The following TAFA5 variants were observed in gnomAD, a reference collection of about 807,000 sequenced individuals.
TAFA5 encodes TAFA chemokine like family member 5.
Under a neutral mutation model 15.3 loss-of-function variants are expected in TAFA5, and 6 were observed. That is an observed-to-expected ratio of 0.39 (90% confidence interval 0.21 to 0.77). The LOEUF is 0.77. TAFA5 is among the 30% of genes least tolerant of loss of function. The probability of loss-of-function intolerance (pLI) is 0.41; values close to 1 mark genes in which losing one functional copy is unlikely to be tolerated. For synonymous variants in TAFA5, 103 were observed against 80.7 expected (o/e 1.28, Z -1.48); for missense variants, 161 against 193.1 (o/e 0.83, Z 0.98).
intron 2 of TAFA5, among the ~76,000 whole-genome samples, chr22:48,698,126 G>A (rs931028582): frequency 2.7e-5 from 4 of 150,106 alleles, no homozygotes; most frequent in African/African-American, 9.8e-5. Flanking sequence ...GATAGCGATG[G>A]TGGTGGTTAT....
chr22:48,530,233 G>C lies in TAFA5; in HGVS notation c.112+40529G>C, dbSNP rs1921926860. 6.6e-6 allele frequency among the ~76,000 whole-genome samples: 1 copy of C among 152,114 alleles called. No homozygotes were observed. The highest frequency in any genetic ancestry group is 1.5e-5 in the Non-Finnish European group (1 of 68,014). On this transcript the variant is annotated intron_variant, in intron 1 of 3. Transcript: ENST00000402357. The surrounding 1 kb of genome is among the most constrained non-coding windows in gnomAD (Gnocchi z 6.0). ...GAGAACTTGAGTGTAAGTCTCCTCT[G>C]CTCCCCTCCTGTGACATCCGAGCAT...
chr22:48,659,970 A>T (rs945309082), intron 2 of TAFA5, among the ~76,000 whole-genome samples: 4 of 152,156 alleles, frequency 2.6e-5, no homozygotes, highest in African/African-American at 9.7e-5. Context: ...TGTGACTTGG[A>T]GGGGGGTGAG....
chr22:48,542,390 G>GGT (rs1278256204), intron 1 of TAFA5, among the ~76,000 whole-genome samples: 2 of 130,818 alleles, frequency 1.5e-5, no homozygotes, highest in African/African-American at 5.9e-5. Flanking sequence ...GTGTGTGTGT[G>GGT]GTGTGTGTGT....
intron 2 of TAFA5, among the ~76,000 whole-genome samples, chr22:48,673,540 C>T (rs892062461): frequency 9.2e-5 from 14 of 152,308 alleles, no homozygotes; most frequent in Admixed American, 3.3e-4. Context: ...AGGAAGAGGC[C>T]GGCCTTCTTC....
chr22:48,627,256 C>G (rs1926055150), intron 1 of TAFA5, among the ~76,000 whole-genome samples: 1 of 152,230 alleles, frequency 6.6e-6, no homozygotes, highest in South Asian at 2.1e-4. Flanking sequence ...TGGCTCCTCC[C>G]AAGACAGGAA....
intron 1 of TAFA5, among the ~76,000 whole-genome samples, chr22:48,553,459 G>A (rs896994788): frequency 9.9e-5 from 15 of 152,202 alleles, no homozygotes; most frequent in South Asian, 4.1e-4. Flanking sequence ...TTCCCTGGCC[G>A]CATGCACTGG....
chr22:48,636,798 C>T (rs1041260606), intron 1 of TAFA5, among the ~76,000 whole-genome samples: 1 of 152,164 alleles, frequency 6.6e-6, no homozygotes, highest in Non-Finnish European at 1.5e-5. Context: ...TGGGCTGGTG[C>T]CCTGGCTGAG....
intron 1 of TAFA5, among the ~76,000 whole-genome samples, chr22:48,623,704 C>T (rs1304699737): frequency 4.6e-5 from 7 of 152,244 alleles, no homozygotes; most frequent in African/African-American, 9.6e-5. Context: ...GAGCCTGGCA[C>T]GGCGGCCCGA....
rs1921924640 is a variant in TAFA5, at chr22:48,530,145, T to G, written c.112+40441T>G. On this transcript the variant is annotated intron_variant, in intron 1 of 3. Transcript: ENST00000402357. This position sits in a 1 kb window ranked among gnomAD's most constrained non-coding sequence, Gnocchi z 6.0. Reference sequence around the variant, plus strand: ...TACTGATGACCTGTACCACCTGCTCTGTCTCCATGGCGACTCGAGGAGGAG... The same window carrying G: ...TACTGATGACCTGTACCACCTGCTCGGTCTCCATGGCGACTCGAGGAGGAG... 1.3e-5 allele frequency among the ~76,000 whole-genome samples: 2 copies of G among 152,146 alleles called. No individual in the cohort carries two copies. Among genetic ancestry groups the G allele is most frequent in the Non-Finnish European group, 2.9e-5 (2 of 68,012 alleles).
At chr22:48,648,846 A>G (rs896772168) in intron 2 of TAFA5, among the ~76,000 whole-genome samples, 1 of 152,218 alleles carries the variant, frequency 6.6e-6, no homozygotes, top group South Asian at 2.1e-4. Context: ...AAACAAAAAA[A>G]GAATGCTGGT....
chr22:48,675,064 C>A (rs1443758988), intron 2 of TAFA5, among the ~76,000 whole-genome samples: 1 of 152,032 alleles, frequency 6.6e-6, no homozygotes, highest in African/African-American at 2.4e-5. Context: ...GCCTTAGCCT[C>A]CCGAGTAGCT....
At chr22:48,498,912 A>G (rs1361112020) in intron 1 of TAFA5, among the ~76,000 whole-genome samples, 1 of 152,132 alleles carries the variant, frequency 6.6e-6, no homozygotes, top group Non-Finnish European at 1.5e-5. Context: ...TGGCAATCTT[A>G]CAGTTTCTGG....
intron 2 of TAFA5, among the ~76,000 whole-genome samples, chr22:48,658,836 G>A (rs1269125986): frequency 3.3e-5 from 5 of 152,238 alleles, no homozygotes; most frequent in Admixed American, 2.0e-4. Flanking sequence ...GGGCTCCCAG[G>A]CAGTCATGGA....
At chr22:48,540,875 T>TAAAA (rs34844674) in intron 1 of TAFA5, among the ~76,000 whole-genome samples, 8 of 129,830 alleles carry the variant, frequency 6.2e-5, no homozygotes, top group Admixed American at 1.5e-4. Context: ...TCATTGACAG[T>TAAAA]AAAAAAAAAA....
intron 1 of TAFA5, among the ~76,000 whole-genome samples, chr22:48,515,703 C>T (rs55637582): frequency 0.18 from 27,822 of 152,180 alleles, 2,514 homozygotes; most frequent in Non-Finnish European, 0.2. Flanking sequence ...AAGCGGGAGG[C>T]CCCCGGCTCC....
intron 3 of TAFA5, among the ~76,000 whole-genome samples, chr22:48,718,364 C>A (rs1929468157): frequency 6.6e-6 from 1 of 152,082 alleles, no homozygotes; most frequent in South Asian, 2.1e-4. Context: ...GCGGGGAGGC[C>A]CCCAAGCAGG....
intron 1 of TAFA5, among the ~76,000 whole-genome samples, chr22:48,606,378 C>T (rs534910403): frequency 1.3e-5 from 2 of 152,226 alleles, no homozygotes; most frequent in Admixed American, 6.5e-5. Context: ...AGAGAAAATT[C>T]GTGATGTTTT....
chr22:48,542,418 GGTGT>G (rs1463073520), intron 1 of TAFA5, among the ~76,000 whole-genome samples: 1 of 129,916 alleles, frequency 7.7e-6, no homozygotes, highest in East Asian at 2.5e-4. Flanking sequence ...TGGCGTGTGT[GGTGT>G]GTATGTGTGT....
At chr22:48,551,962 T>G (rs1490549684) in intron 1 of TAFA5, among the ~76,000 whole-genome samples, 1 of 152,162 alleles carries the variant, frequency 6.6e-6, no homozygotes, top group Non-Finnish European at 1.5e-5. Context: ...TGTGGAAAAC[T>G]GATTGAGAGC....
Sources: allele counts gnomAD v4.1 joint callset (sites outside exome capture counted in the v4.1 genomes callset), GRCh38; gene constraint gnomAD v4.1.1; non-coding constraint Gnocchi (gnomAD v3.1); transcripts MANE v1.5; gene names NCBI Gene and HGNC (gene_info 2026-07-23, HGNC 2026-07-21).